Variants in SHROOM4 observed in about 807,000 individuals in gnomAD.
The protein encoded by SHROOM4 is protein Shroom4.
In SHROOM4, 17 loss-of-function variants were observed where a neutral mutation model predicts 80.3. The observed-to-expected ratio is 0.21, with a 90% confidence interval of 0.14 to 0.32. SHROOM4 has a LOEUF of 0.32. Ranked by LOEUF, SHROOM4 falls within the 10% of genes least tolerant of loss-of-function variation. The probability of loss-of-function intolerance (pLI) is 1.00; values close to 1 mark genes in which losing one functional copy is unlikely to be tolerated. For synonymous variants in SHROOM4, 400 were observed against 437.5 expected (o/e 0.91, Z 1.07); for missense variants, 993 against 1,140.3 (o/e 0.87, Z 1.86).
intron 2 of SHROOM4, among the ~76,000 whole-genome samples, chrX:50,687,335 C>T (rs997160122): frequency 9.3e-6 from 1 of 108,074 alleles, no homozygotes; most frequent in Non-Finnish European, 1.9e-5. Context: ...GCTCCAGTTG[C>T]TTTTATTCCA....
chrX:50,748,512 A>AAG (rs199557480), intron 1 of SHROOM4, among the ~76,000 whole-genome samples: 6,533 of 110,935 alleles, frequency 0.059, 541 homozygotes, highest in African/African-American at 0.21. Context: ...ATAAAACTCT[A>AAG]AGAGAGAGAG....
chrX:50,658,356 G>A (rs1245182995), intron 2 of SHROOM4, among the ~76,000 whole-genome samples: 2 of 111,150 alleles, frequency 1.8e-5, no homozygotes, highest in Non-Finnish European at 3.8e-5. Flanking sequence ...CCTCAAATCT[G>A]TCTAATCAGG....
chrX:50,641,702 TC>T (rs1247742128), intron 2 of SHROOM4, among the ~76,000 whole-genome samples: 2 of 110,395 alleles, frequency 1.8e-5, no homozygotes, highest in Admixed American at 9.6e-5. Context: ...AACCTCCGCC[TC>T]CCTGGTTCAA....
rs782591424 is a variant in SHROOM4, at chrX:50,610,352, T to TCTCTCTCTCACACACACACACACA, written c.2958-2169_2958-2168insTGTGTGTGTGTGTGTGAGAGAGAG. Among the ~76,000 whole-genome samples, 264 of 91,674 alleles carry TCTCTCTCTCACACACACACACACA rather than the reference T, an allele frequency of 2.9e-3. 5 individuals carry two copies. The highest frequency in any genetic ancestry group is 0.012 in the African/African-American group (253 of 21,839). The allele number at this position is 91,674 out of a possible 115,157, so 79.6% of individuals were successfully genotyped here. A position where few individuals can be genotyped will look rare whatever the true frequency, so the allele number is the denominator to read the frequency against. ...GGCATATTCTCTCTCTCTCTCTCTC[T>TCTCTCTCTCACACACACACACACA]CACACACACACACACACACACACAC... On this transcript the variant is annotated intron_variant, in intron 5 of 8. Transcript: ENST00000376020.
At chrX:50,617,338 A>C (rs1201649425) in intron 5 of SHROOM4, among the ~76,000 whole-genome samples, 1 of 111,779 alleles carries the variant, frequency 8.9e-6, no homozygotes, top group Non-Finnish European at 1.9e-5. Flanking sequence ...CCTTGTTCCC[A>C]TCAAGAGAAT....
intron 2 of SHROOM4, among the ~76,000 whole-genome samples, chrX:50,693,065 A>G (rs1933261885): frequency 9.0e-6 from 1 of 111,218 alleles, no homozygotes. Flanking sequence ...AGTTGGTTAT[A>G]TGGTCTGGAG....
intron 4 of SHROOM4, among the ~76,000 whole-genome samples, chrX:50,629,538 C>T (rs782383002): frequency 1.8e-5 from 2 of 111,789 alleles, no homozygotes; most frequent in South Asian, 3.8e-4. Flanking sequence ...TAGAATAGTA[C>T]CTGGTGCCCA....
Position 50,803,694 on chromosome X carries a change from C to T in SHROOM4, c.117+10208G>A, listed in dbSNP as rs146235218. Among the ~76,000 whole-genome samples the T allele has an allele frequency of 8.7e-3, 972 of 112,195 alleles. 10 individuals carry two copies. The highest frequency in any genetic ancestry group is 0.029 in the African/African-American group (900 of 30,888). On this transcript the variant is annotated intron_variant, in intron 1 of 8. Coordinates refer to ENST00000376020, the MANE Select transcript of SHROOM4 (RefSeq NM_020717.5). ...TTTCAGTACTTAAAGCTTTTTGTTT[C>T]CTGGGCTTATAGTAATGCAGCTCTT... is the stretch of plus-strand genomic sequence containing the variant.
At chrX:50,752,979 A>G (rs1307966406) in intron 1 of SHROOM4, among the ~76,000 whole-genome samples, 1 of 112,240 alleles carries the variant, frequency 8.9e-6, no homozygotes, top group Non-Finnish European at 1.9e-5. Flanking sequence ...CCTAGACTAT[A>G]GAGAGAGATT....
chrX:50,626,068 G>T (rs781962689), intron 5 of SHROOM4, among the ~76,000 whole-genome samples: 40 of 111,923 alleles, frequency 3.6e-4, no homozygotes, highest in Non-Finnish European at 3.8e-4. Context: ...AAATAAGGGG[G>T]GAAGGGAAAG....
intron 1 of SHROOM4, among the ~76,000 whole-genome samples, chrX:50,726,332 GAA>G (rs1934242789): frequency 1.8e-5 from 2 of 112,452 alleles, no homozygotes; most frequent in Admixed American, 1.9e-4. Context: ...GCATGCAGTA[GAA>G]GAGAAAAACC....
chrX:50,598,138 C>G (rs1486712854), intron 8 of SHROOM4, 128 bp downstream of exon 8: 1 of 946,658 alleles, frequency 1.1e-6, no homozygotes, highest in Admixed American at 2.3e-5. Context: ...CGTGCCCATC[C>G]TCAGTGCTCA....
At chrX:50,771,113 T>A (rs1314269335) in intron 1 of SHROOM4, among the ~76,000 whole-genome samples, 1 of 111,542 alleles carries the variant, frequency 9.0e-6, no homozygotes. Flanking sequence ...ACTGAAGGTG[T>A]GACCAAGGTA....
At chrX:50,611,153 T>C (rs1052983296) in intron 5 of SHROOM4, among the ~76,000 whole-genome samples, 2 of 88,360 alleles carry the variant, frequency 2.3e-5, no homozygotes, top group South Asian at 6.2e-4. Flanking sequence ...TCTTTTTTTT[T>C]TTTTTTTTTT....
chrX:50,676,061 C>T (rs1262858655), intron 2 of SHROOM4, among the ~76,000 whole-genome samples: 1 of 111,643 alleles, frequency 9.0e-6, no homozygotes, highest in African/African-American at 3.2e-5. Flanking sequence ...GAAGACCTAG[C>T]TAAAATCCTT....
intron 1 of SHROOM4, among the ~76,000 whole-genome samples, chrX:50,737,629 A>C (rs1305649207): frequency 4.5e-5 from 5 of 111,466 alleles, no homozygotes; most frequent in Non-Finnish European, 9.4e-5. Flanking sequence ...CTAAACCAGG[A>C]AGAAGTTGAA....
At chrX:50,749,587 G>T (rs1161296230) in intron 1 of SHROOM4, among the ~76,000 whole-genome samples, 1 of 111,780 alleles carries the variant, frequency 8.9e-6, no homozygotes, top group African/African-American at 3.3e-5. Context: ...GTTATACAGA[G>T]AATATATCAT....
intron 2 of SHROOM4, chrX:50,649,706 A>T (rs1310991445): frequency 8.9e-6 from 1 of 112,526 alleles, no homozygotes; most frequent in Non-Finnish European, 1.9e-5. Flanking sequence ...CTGCACAAGG[A>T]TAATGCACAA....
chrX:50,795,477 G>T (rs2147716728), intron 1 of SHROOM4, among the ~76,000 whole-genome samples: 1 of 110,309 alleles, frequency 9.1e-6, no homozygotes, highest in African/African-American at 3.3e-5. Flanking sequence ...ATCCCATGAA[G>T]TATATAAAAC....
Sources: allele counts gnomAD v4.1 joint callset (sites outside exome capture counted in the v4.1 genomes callset), GRCh38; gene constraint gnomAD v4.1.1; transcripts MANE v1.5; gene names NCBI Gene and HGNC (gene_info 2026-07-23, HGNC 2026-07-21).